Variants in PTK7 observed in about 807,000 individuals in gnomAD.
PTK7 encodes protein tyrosine kinase 7 (inactive).
Under a neutral mutation model 116.6 loss-of-function variants are expected in PTK7, and 39 were observed. The ratio of observed to expected loss-of-function variants is 0.33; its 90% CI spans 0.26 to 0.44. The LOEUF (loss-of-function observed/expected upper bound fraction) is 0.44. PTK7 is among the 20% of genes least tolerant of loss of function. PTK7 has a pLI of 1.00. For synonymous variants in PTK7, 546 were observed against 563.6 expected, an observed-to-expected ratio of 0.97 and a Z score of 0.44; for missense variants, 1,169 against 1,425.6, an observed-to-expected ratio of 0.82 and a Z score of 2.90.
At chr6:43,109,757 G>A (rs1332893445) in intron 1 of PTK7, among the ~76,000 whole-genome samples, 2 of 149,634 alleles carry the variant, frequency 1.3e-5, no homozygotes, top group South Asian at 4.2e-4. Flanking sequence ...GGAGTGCAGT[G>A]GCGTGATCTC....
In PTK7 at chr6:43,146,628, AG is replaced by A. The variant is rs777538461; in HGVS notation, c.2652del (p.Lys884AsnfsTer4). The A allele has an allele frequency of 6.2e-7, 1 of 1,613,526 alleles. No homozygotes were observed. Among genetic ancestry groups the A allele is most frequent in the Non-Finnish European group, 8.5e-7 (1 of 1,179,922 alleles). On this transcript the variant is annotated frameshift_variant, in exon 17 of 20. Coordinates refer to ENST00000230419, the MANE Select transcript of PTK7 (RefSeq NM_002821.5). LOFTEE classifies it high-confidence loss of function. ...TGGCTTTTCCCTTAGGGAGACCTCA[AG>A]CAGTTCCTGAGGATTTCCAAGAGCA... The part of the protein sequence containing the change: ...VLEYVDLGDL[K>X]QFLRISKSKD...
chr6:43,097,637 G>A (rs1306550635), intron 1 of PTK7, among the ~76,000 whole-genome samples: 2 of 152,076 alleles, frequency 1.3e-5, no homozygotes, highest in African/African-American at 4.8e-5. Flanking sequence ...TCAAATGCGG[G>A]GCATTGCTGG....
intron 1 of PTK7, among the ~76,000 whole-genome samples, chr6:43,100,034 A>G (rs1266434193): frequency 6.6e-6 from 1 of 151,968 alleles, no homozygotes; most frequent in East Asian, 1.9e-4. Context: ...TTTTTAGTAG[A>G]GATTTAGGGA....
At chr6:43,091,281 C>T (rs1044539248) in intron 1 of PTK7, among the ~76,000 whole-genome samples, 1 of 151,992 alleles carries the variant, frequency 6.6e-6, no homozygotes, top group African/African-American at 2.4e-5. Flanking sequence ...CTGGCTCAGC[C>T]TCCCAACTAG....
chr6:43,105,291 GAAAAA>G (rs879682489), intron 1 of PTK7, among the ~76,000 whole-genome samples: 3 of 125,678 alleles, frequency 2.4e-5, no homozygotes, highest in Admixed American at 8.0e-5. Context: ...ATGACAAAAA[GAAAAA>G]AAAAAAAGGA....
chr6:43,117,669 T>C (rs1257731480), intron 1 of PTK7, among the ~76,000 whole-genome samples: 1 of 152,058 alleles, frequency 6.6e-6, no homozygotes, highest in Non-Finnish European at 1.5e-5. Flanking sequence ...AGTCCCAGTC[T>C]GTCCGCCAGG....
chr6:43,113,800 T>G (rs1222561637), intron 1 of PTK7, among the ~76,000 whole-genome samples: 1 of 152,206 alleles, frequency 6.6e-6, no homozygotes, highest in Non-Finnish European at 1.5e-5. Flanking sequence ...TGATGAATAA[T>G]GGATGAGCCC....
Position 43,129,628 on chromosome 6 carries a change from G to C in PTK7, c.368-99G>C, listed in dbSNP as rs990235445. ...GCTTCCTTGTGTCTGTTGGCACAGA[G>C]CCTCGAGGTTCCACGGCTTCCTGCT... On this transcript the variant is annotated intron_variant, in intron 2 of 19. Transcript: ENST00000230419. This position sits in a 1 kb window ranked among gnomAD's most constrained non-coding sequence, Gnocchi z 4.5. 2 of 1,050,392 alleles carry C rather than the reference G, an allele frequency of 1.9e-6. No individual in the cohort carries two copies. Among genetic ancestry groups the C allele is most frequent in the African/African-American group, 3.1e-5 (2 of 64,152 alleles). The allele number at this position is 1,050,392 out of a possible 1,614,324, so 65.1% of individuals were successfully genotyped here.
At chr6:43,091,267 C>T (rs1766943431) in intron 1 of PTK7, among the ~76,000 whole-genome samples, 1 of 151,476 alleles carries the variant, frequency 6.6e-6, no homozygotes, top group Admixed American at 6.6e-5. Context: ...TTCAAGTGAC[C>T]CTCCTGGCTC....
intron 17 of PTK7, among the ~76,000 whole-genome samples, chr6:43,151,656 CGAGTA>C (rs1471303692): frequency 5.4e-5 from 8 of 147,546 alleles, no homozygotes; most frequent in South Asian, 4.3e-4. Flanking sequence ...CTCAGCCTCC[CGAGTA>C]GAGTAGCTGG....
chr6:43,147,344 C>G (rs765107940), intron 17 of PTK7, among the ~76,000 whole-genome samples: 3 of 152,188 alleles, frequency 2.0e-5, no homozygotes, highest in Non-Finnish European at 2.9e-5. Context: ...CCTGCTACCC[C>G]CTGCCACCTC....
chr6:43,079,095 G>A (rs1191169110), intron 1 of PTK7, among the ~76,000 whole-genome samples: 2 of 152,128 alleles, frequency 1.3e-5, no homozygotes, highest in African/African-American at 2.4e-5. Context: ...GGTGGACAGA[G>A]CTCAAGCAAT....
chr6:43,127,928 C>CAA (rs879765879), intron 1 of PTK7, among the ~76,000 whole-genome samples: 3 of 135,664 alleles, frequency 2.2e-5, no homozygotes, highest in African/African-American at 2.7e-5. Flanking sequence ...GACTCCGTCT[C>CAA]AAAAAAAAAA....
intron 1 of PTK7, among the ~76,000 whole-genome samples, chr6:43,077,427 G>C (rs980401765): frequency 2.6e-5 from 4 of 151,928 alleles, no homozygotes; most frequent in Admixed American, 6.6e-5. Flanking sequence ...GCTTTTCTTG[G>C]GGGGGGGCCT....
intron 17 of PTK7, among the ~76,000 whole-genome samples, chr6:43,149,307 G>A (rs183675917): frequency 7.3e-4 from 111 of 152,236 alleles, no homozygotes; most frequent in Admixed American, 2.1e-3. Context: ...GGGAGGCAGA[G>A]GTTGCAGTGA....
chr6:43,108,036 C>G (rs917991410), intron 1 of PTK7, among the ~76,000 whole-genome samples: 1 of 151,810 alleles, frequency 6.6e-6, no homozygotes, highest in Non-Finnish European at 1.5e-5. Context: ...CAGTTGGTGG[C>G]ACATTGTTAT....
At position 43,141,852 on chromosome 6, in the gene PTK7, C is replaced by G; in HGVS notation, c.1768+35C>G. The G allele has an allele frequency of 6.2e-7, 1 of 1,607,632 alleles. No homozygotes were observed. Among genetic ancestry groups the G allele is most frequent in the East Asian group, 2.2e-5 (1 of 44,788 alleles). On this transcript the variant is annotated intron_variant, in intron 11 of 19. Coordinates refer to ENST00000230419, the MANE Select transcript of PTK7 (RefSeq NM_002821.5). The surrounding 1 kb of genome is among the most constrained non-coding windows in gnomAD (Gnocchi z 4.9). The stretch of plus-strand genomic sequence containing the variant: ...TGGCAGGGCCCTGGGGCTGGGAGGG[C>G]CCTCTGGGGTAGCACCGTGTACCCT...
chr6:43,082,126 C>T (rs1047328880), intron 1 of PTK7, among the ~76,000 whole-genome samples: 2 of 152,140 alleles, frequency 1.3e-5, no homozygotes, highest in South Asian at 2.1e-4. Context: ...CCCAGGGCCA[C>T]GTGGCATCAG....
intron 1 of PTK7, among the ~76,000 whole-genome samples, chr6:43,118,620 CCTCTCTCT>C (rs1170818291): frequency 0.011 from 699 of 63,278 alleles, 6 homozygotes; most frequent in African/African-American, 0.025. Flanking sequence ...AATATTTTAA[CCTCTCTCT>C]CTCTCTCTCT....
Sources: allele counts gnomAD v4.1 joint callset (sites outside exome capture counted in the v4.1 genomes callset), GRCh38; gene constraint gnomAD v4.1.1; non-coding constraint Gnocchi (gnomAD v3.1); transcripts MANE v1.5; gene names NCBI Gene and HGNC (gene_info 2026-07-23, HGNC 2026-07-21).